Variants in A2M observed in about 807,000 individuals in gnomAD.
A2M encodes the protein alpha-2-macroglobulin, also known as C3 and PZP-like alpha-2-macroglobulin domain-containing protein 5.
A neutral mutation model predicts 183.9 loss-of-function variants in A2M; 128 were observed. The observed-to-expected ratio is 0.70, with a 90% CI of 0.60 to 0.81. A2M has a LOEUF of 0.81. Among genes scored for constraint, A2M ranks in the 30% least tolerant of loss-of-function variants. The pLI is 0.00. For synonymous variants in A2M, 592 were observed against 670.8 expected (o/e 0.88, Z 1.81); for missense variants, 1,495 against 1,787.6 (o/e 0.84, Z 2.95).
At chr12:9,112,051 G>C in intron 4 of A2M, 108 bp downstream of exon 4, 1 of 1,036,632 alleles carries the variant, frequency 9.6e-7, no homozygotes, top group Non-Finnish European at 1.5e-6. Flanking sequence ...AGAAGTTACT[G>C]TTAATGATAC....
intron 34 of A2M, 140 bp downstream of exon 34, chr12:9,068,599 GA>G: frequency 1.4e-6 from 1 of 710,764 alleles, no homozygotes; most frequent in South Asian, 1.8e-5. Flanking sequence ...GAGACAAAAA[GA>G]GGGGCATCAG....
At chr12:9,087,659 C>T (rs1949088501) in intron 22 of A2M, among the ~76,000 whole-genome samples, 1 of 151,964 alleles carries the variant, frequency 6.6e-6, no homozygotes, top group Non-Finnish European at 1.5e-5. Flanking sequence ...TTCAAATGTT[C>T]CCACCACAAA....
chr12:9,107,685 GA>G, intron 7 of A2M, 41 bp from the exon 8 acceptor site: 1 of 1,603,664 alleles, frequency 6.2e-7, no homozygotes, highest in Non-Finnish European at 8.5e-7. Flanking sequence ...AGCAGACACT[GA>G]ACCTCCCCAT....
Position 9,109,982 on chromosome 12 carries a change from G to A in A2M, c.558C>T (p.Gly186=). 6.2e-7 allele frequency: 1 copy of A among 1,613,578 alleles called. No individual in the cohort carries two copies. The highest frequency in any genetic ancestry group is 1.3e-5 in the African/African-American group (1 of 75,022). Residue 186 remains glycine, a synonymous_variant, in exon 6 of 36, where the codon GGC becomes GGT. Transcript: ENST00000318602. Reference sequence around the variant, plus strand: ...AGAGGGGAAAAGAAAATTGCTTGAGGCCACCCTCTAACTGGAAACTCTGCC... The same window carrying A: ...AGAGGGGAAAAGAAAATTGCTTGAGACCACCCTCTAACTGGAAACTCTGCC... The part of the protein sequence containing the change: ...AQWQSFQLEG[G]LKQFSFPLSS...
chr12:9,098,692 G>A lies in A2M; in HGVS notation c.1766C>T (p.Ala589Val), dbSNP rs377690298. The change falls in exon 15 of 36, where the codon GCG becomes GTG. Residue 589 changes from alanine to valine, a missense_variant. By Grantham distance (64) the Ala-to-Val change is moderately conservative. Coordinates refer to ENST00000318602, the MANE Select transcript of A2M (RefSeq NM_000014.6). ...GAGGGCGCAGACGGACTGAGGAGCC[G>A]CTGTGACTCGCAGGTGGGCGTGTGA... The part of the protein sequence containing the change: ...PASHAHLRVT[A>V]APQSVCALRA... 46 of 1,611,940 alleles carry A rather than the reference G, an allele frequency of 2.9e-5. No homozygotes were observed. The highest frequency in any genetic ancestry group is 3.9e-5 in the Non-Finnish European group (46 of 1,179,390).
In A2M at chr12:9,074,591, T is replaced by C. The variant is rs1416527495; in HGVS notation, c.3725A>G (p.Gln1242Arg). ...TNIVKWITKQ[Q>R]NAQGGFSSTQ... ...GGAGGAGAAACCGCCCTGGGCATTC[T>C]GCTGCTTCGTGATCCACTTCACGAT... Residue 1242 changes from glutamine (Q) to arginine (R), a missense_variant, in exon 29 of 36, where the codon CAG (glutamine) becomes CGG (arginine). Physicochemically the swap from Gln to Arg is conservative, Grantham distance 43 (BLOSUM62 1). Coordinates refer to ENST00000318602, the MANE Select transcript of A2M (RefSeq NM_000014.6). 1 of 1,613,268 alleles carries C rather than the reference T, an allele frequency of 6.2e-7. No individual in the cohort carries two copies. The highest frequency in any genetic ancestry group is 1.7e-5 in the Admixed American group (1 of 59,894).
chr12:9,095,215 A>G, intron 16 of A2M, 131 bp from the exon 17 acceptor site: 1 of 538,428 alleles, frequency 1.9e-6, no homozygotes, highest in Non-Finnish European at 3.2e-6. Context: ...ACATCTGTAG[A>G]AGGGATATTT....
chr12:9,076,857 A>T lies in A2M; in HGVS notation c.3431T>A (p.Val1144Glu), dbSNP rs779825439. ...TAQEGDHGSH[V>E]YTKALLAYAF... The stretch of plus-strand genomic sequence containing the variant: ...ATAGGCCAGCAGTGCTTTGGTATAT[A>T]CATGGCTGCCATGGTCCCCTTCTTG... The change falls in exon 28 of 36, where the codon GTA becomes GAA. Residue 1144 changes from valine to glutamate, a missense_variant. Transcript: ENST00000318602. The T allele has an allele frequency of 6.2e-7, 1 of 1,613,878 alleles. No homozygotes were observed. Among genetic ancestry groups the T allele is most frequent in the Non-Finnish European group, 8.5e-7 (1 of 1,179,916 alleles).
intron 28 of A2M, among the ~76,000 whole-genome samples, chr12:9,075,838 T>C (rs1805657): frequency 0.38 from 57,424 of 151,980 alleles, 11,594 homozygotes; most frequent in African/African-American, 0.49. Context: ...ATTTTTCCCA[T>C]GTCGGTAATT....
At chr12:9,107,810 T>C (rs1462063927) in intron 7 of A2M, among the ~76,000 whole-genome samples, 166 bp from the exon 8 acceptor site, 1 of 152,244 alleles carries the variant, frequency 6.6e-6, no homozygotes, top group African/African-American at 2.4e-5. Flanking sequence ...ATGGCTCTTA[T>C]AGAAATCTCC....
At chr12:9,096,429 T>A (rs1949383227) in intron 15 of A2M, among the ~76,000 whole-genome samples, 1 of 152,230 alleles carries the variant, frequency 6.6e-6, no homozygotes, top group Non-Finnish European at 1.5e-5. Context: ...TGACTCAGTA[T>A]ATAGCAAAGT....
At chr12:9,079,382 G>T in intron 24 of A2M, 51 bp from the exon 25 acceptor site, 2 of 1,542,602 alleles carry the variant, frequency 1.3e-6, no homozygotes, top group South Asian at 1.1e-5. Flanking sequence ...TGCATGCTGA[G>T]GGTGGAGAAA....
chr12:9,088,960 C>G (rs1949127383), intron 22 of A2M, among the ~76,000 whole-genome samples: 2 of 152,162 alleles, frequency 1.3e-5, no homozygotes, highest in South Asian at 4.1e-4. Context: ...ATACACTGGT[C>G]AGAAAGTCAT....
At chr12:9,085,988 T>A (rs1350680489) in intron 22 of A2M, among the ~76,000 whole-genome samples, 1 of 152,044 alleles carries the variant, frequency 6.6e-6, no homozygotes, top group East Asian at 1.9e-4. Context: ...AGTAAAGAGA[T>A]TGAATCAGTA....
intron 24 of A2M, 104 bp from the exon 25 acceptor site, chr12:9,079,435 T>G (rs1188153159): frequency 7.8e-7 from 1 of 1,276,550 alleles, no homozygotes; most frequent in East Asian, 2.4e-5. Flanking sequence ...TTTCTTAAAT[T>G]TTGTTGTCAT....
rs370213648 is a variant in A2M, at chr12:9,107,525, T to C, written c.878A>G (p.Gln293Arg). Reference sequence around the variant, plus strand: ...TAGAAAAAATAGTGTTCAACCTACCTGTCCACTGAATTTCTCACAGAAAGC... The same window carrying C: ...TAGAAAAAATAGTGTTCAACCTACCCGTCCACTGAATTTCTCACAGAAAGC... The part of the protein sequence containing the change: ...SQAFCEKFSG[Q>R]LNSHGCFYQQ... The change falls in exon 8 of 36, where the codon CAG becomes CGG. Residue 293 changes from glutamine to arginine, a missense_variant and splice_region_variant. Coordinates refer to ENST00000318602, the MANE Select transcript of A2M (RefSeq NM_000014.6). 106 of 1,613,898 alleles carry C rather than the reference T, an allele frequency of 6.6e-5. No individual in the cohort carries two copies. In the Middle Eastern group the frequency reaches 9.9e-4, roughly 15 times the overall value.
intron 27 of A2M, 95 bp downstream of exon 27, chr12:9,077,251 G>T: frequency 8.5e-7 from 1 of 1,175,510 alleles, no homozygotes; most frequent in Non-Finnish European, 1.2e-6. Flanking sequence ...GAAAGCTGAT[G>T]CTTTGCTTTT....
At chr12:9,068,077 T>A in intron 35 of A2M, 106 bp downstream of exon 35, 5 of 1,303,616 alleles carry the variant, frequency 3.8e-6, no homozygotes, top group Non-Finnish European at 5.4e-6. Context: ...GTGTGAGTAA[T>A]TTGATGTTTT....
At chr12:9,101,367 A>G in intron 12 of A2M, 80 bp downstream of exon 12, 1 of 1,363,344 alleles carries the variant, frequency 7.3e-7, no homozygotes. Context: ...AAGTAATGAC[A>G]TCTAAAGAGC....
Sources: allele counts gnomAD v4.1 joint callset (sites outside exome capture counted in the v4.1 genomes callset), GRCh38; gene constraint gnomAD v4.1.1; transcripts MANE v1.5; gene names NCBI Gene and HGNC (gene_info 2026-07-23, HGNC 2026-07-21).